Variants in CSMD3 observed in about 807,000 individuals in gnomAD.
CSMD3 encodes the protein CUB and sushi domain-containing protein 3.
In CSMD3, 177 loss-of-function variants were observed where a neutral mutation model predicts 435.2. The ratio of observed to expected loss-of-function variants is 0.41; its 90% CI spans 0.36 to 0.46. The LOEUF (loss-of-function observed/expected upper bound fraction) is 0.46. Among genes scored for constraint, CSMD3 ranks in the 20% least tolerant of loss-of-function variants. CSMD3 has a pLI of 0.34. For missense variants in CSMD3, 4,265 were observed against 4,504.6 expected (o/e 0.95, Z 1.52); for synonymous variants, 1,656 against 1,520.5 (o/e 1.09, Z -2.07).
At chr8:112,796,664 T>G (rs2078836009) in intron 13 of CSMD3, among the ~76,000 whole-genome samples, 1 of 151,288 alleles carries the variant, frequency 6.6e-6, no homozygotes, top group Non-Finnish European at 1.5e-5. Flanking sequence ...TTTGGAATAA[T>G]GACCCTATAA....
At chr8:113,319,469 C>CA (rs1459147786) in intron 1 of CSMD3, among the ~76,000 whole-genome samples, 1 of 151,888 alleles carries the variant, frequency 6.6e-6, no homozygotes, top group African/African-American at 2.4e-5. Flanking sequence ...AACCCCTTAA[C>CA]AAAAATGTAG....
At chr8:112,486,017 C>T (rs573906962) in intron 31 of CSMD3, among the ~76,000 whole-genome samples, 3 of 150,244 alleles carry the variant, frequency 2.0e-5, no homozygotes, top group Non-Finnish European at 3.0e-5. Context: ...ACAGAGCTAG[C>T]GCTGGCTAAG....
intron 3 of CSMD3, among the ~76,000 whole-genome samples, chr8:113,236,028 G>A (rs1042129264): frequency 1.3e-5 from 2 of 152,068 alleles, no homozygotes; most frequent in African/African-American, 4.8e-5. Flanking sequence ...CCAACATTTG[G>A]GGGCTAGAGA....
At chr8:113,012,708 T>A (rs934193608) in intron 6 of CSMD3, among the ~76,000 whole-genome samples, 1 of 152,064 alleles carries the variant, frequency 6.6e-6, no homozygotes, top group Non-Finnish European at 1.5e-5. Context: ...TGTGAGTCAA[T>A]GAAACCTCTT....
At chr8:113,406,781 T>A (rs1177840582) in intron 1 of CSMD3, among the ~76,000 whole-genome samples, 1 of 152,106 alleles carries the variant, frequency 6.6e-6, no homozygotes, top group East Asian at 1.9e-4. Flanking sequence ...CAATTGTAGC[T>A]GTCATTTATT....
chr8:112,995,727 A>G (rs2085626301), intron 6 of CSMD3, among the ~76,000 whole-genome samples: 1 of 151,474 alleles, frequency 6.6e-6, no homozygotes, highest in Non-Finnish European at 1.5e-5. Flanking sequence ...TCACATCTCT[A>G]ATAGTTCCAA....
chr8:113,341,726 A>G (rs1005563203), intron 1 of CSMD3, among the ~76,000 whole-genome samples: 1 of 152,138 alleles, frequency 6.6e-6, no homozygotes, highest in Non-Finnish European at 1.5e-5. Context: ...TTTTGCTACT[A>G]TCATATAAAT....
chr8:112,938,782 T>A (rs577623280), intron 9 of CSMD3, among the ~76,000 whole-genome samples: 163 of 152,140 alleles, frequency 1.1e-3, no homozygotes, highest in Non-Finnish European at 2.0e-3. Flanking sequence ...TTCCACTACA[T>A]TGAGGAAGAA....
intron 7 of CSMD3, among the ~76,000 whole-genome samples, chr8:112,955,281 A>G (rs866536433): frequency 6.6e-6 from 1 of 151,706 alleles, no homozygotes; most frequent in Non-Finnish European, 1.5e-5. Context: ...ATTTCCATTC[A>G]TTATCATTGC....
At chr8:113,374,849 C>CAAAAAAAAAAATA (rs1251115132) in intron 1 of CSMD3, among the ~76,000 whole-genome samples, 1 of 21,014 alleles carries the variant, frequency 4.8e-5, no homozygotes, top group Non-Finnish European at 1.2e-4. Flanking sequence ...AAAAAAAAAC[C>CAAAAAAAAAAATA]AATAAAATGA....
At chr8:112,720,512 A>G (rs1326743792) in intron 13 of CSMD3, among the ~76,000 whole-genome samples, 1 of 152,136 alleles carries the variant, frequency 6.6e-6, no homozygotes, top group East Asian at 1.9e-4. Flanking sequence ...GTTTTCCAAA[A>G]CTTAATATTT....
intron 36 of CSMD3, among the ~76,000 whole-genome samples, chr8:112,389,902 C>A (rs183950050): frequency 2.5e-4 from 38 of 152,196 alleles, no homozygotes; most frequent in African/African-American, 9.1e-4. Context: ...CAAATAGCAG[C>A]CCCCAAAATA....
At chr8:113,025,946 G>A (rs562170425) in intron 5 of CSMD3, among the ~76,000 whole-genome samples, 3 of 152,248 alleles carry the variant, frequency 2.0e-5, no homozygotes, top group South Asian at 2.1e-4. Flanking sequence ...AGCACATCAC[G>A]ATGGATAAAC....
chr8:112,436,643 T>C (rs66777799), intron 32 of CSMD3, among the ~76,000 whole-genome samples: 19,847 of 151,316 alleles, frequency 0.13, 1,817 homozygotes, highest in Non-Finnish European at 0.2. Context: ...TATAAAAAAA[T>C]ATACACAAAT....
chr8:112,288,321 G>A (rs1442621082), intron 57 of CSMD3, among the ~76,000 whole-genome samples: 1 of 151,902 alleles, frequency 6.6e-6, no homozygotes, highest in Non-Finnish European at 1.5e-5. Context: ...TTATCTGAGA[G>A]TTAATTTACT....
intron 5 of CSMD3, among the ~76,000 whole-genome samples, chr8:113,064,771 TTTTTC>T (rs540287834): frequency 1.3e-5 from 2 of 152,298 alleles, no homozygotes; most frequent in South Asian, 2.1e-4. Flanking sequence ...AAATTACGGC[TTTTTC>T]TTTTCTTTTC....
intron 3 of CSMD3, among the ~76,000 whole-genome samples, chr8:113,236,553 T>C (rs1456112809): frequency 6.6e-6 from 1 of 152,110 alleles, no homozygotes. Flanking sequence ...AACACCCTTT[T>C]TTTTTCCTGC....
intron 7 of CSMD3, among the ~76,000 whole-genome samples, chr8:112,966,083 A>T (rs971502750): frequency 6.6e-6 from 1 of 151,808 alleles, no homozygotes; most frequent in Admixed American, 6.6e-5. Flanking sequence ...GCATACAATG[A>T]TCAATATTTG....
At chr8:113,105,206 T>A (rs1319180709) in intron 4 of CSMD3, among the ~76,000 whole-genome samples, 2 of 152,022 alleles carry the variant, frequency 1.3e-5, no homozygotes, top group Admixed American at 6.6e-5. Flanking sequence ...ATATATATAA[T>A]AACTGTTTTA....
Sources: gnomAD v4.1 joint callset for allele counts (sites outside exome capture counted in the v4.1 genomes callset) on GRCh38, gnomAD v4.1.1 for gene constraint, MANE v1.5 for transcripts, NCBI Gene and HGNC (gene_info 2026-07-23, HGNC 2026-07-21) for gene names.